The following CTNNA3 variants were observed in gnomAD, a reference collection of about 807,000 sequenced individuals.
The protein encoded by CTNNA3 is catenin alpha-3.
CTNNA3 carries 76 observed loss-of-function variants against 95.7 expected under a neutral mutation model. The ratio of observed to expected loss-of-function variants is 0.79; its 90% confidence interval spans 0.66 to 0.96. The LOEUF (loss-of-function observed/expected upper bound fraction) is 0.96. Ranked by LOEUF, CTNNA3 falls within the 40% of genes least tolerant of loss-of-function variation. The pLI is 0.00. For synonymous variants in CTNNA3, 431 were observed against 374.4 expected (o/e 1.15, Z -1.74); for missense variants, 1,191 against 1,089.8 (o/e 1.09, Z -1.31).
intron 2 of CTNNA3, among the ~76,000 whole-genome samples, chr10:67,621,450 G>A (rs1282316508): frequency 2.8e-4 from 42 of 151,990 alleles, no homozygotes; most frequent in Admixed American, 2.8e-3. Flanking sequence ...GTAGCTCCAT[G>A]AGAAAATGGT....
At chr10:67,565,916 T>C (rs1290076481) in intron 3 of CTNNA3, among the ~76,000 whole-genome samples, 1 of 135,810 alleles carries the variant, frequency 7.4e-6, no homozygotes, top group Admixed American at 7.6e-5. Context: ...TGCAGCACTA[T>C]TTACAATAGC....
At chr10:67,450,228 C>T (rs149787117) in intron 5 of CTNNA3, among the ~76,000 whole-genome samples, 2,647 of 152,096 alleles carry the variant, frequency 0.017, 86 homozygotes, top group African/African-American at 0.058. Context: ...CATTGTGGAA[C>T]GCAGTGTGGC....
In CTNNA3 at chr10:66,199,765, CTATATATATA is replaced by C. The variant is rs59585958; in HGVS notation, c.1884+80695_1884+80704del. 5.1e-3 allele frequency among the ~76,000 whole-genome samples: 157 copies of C among 30,690 alleles called. 3 individuals are homozygous for C. The highest frequency in any genetic ancestry group is 0.016 in the East Asian group (25 of 1,572). The allele number at this position is 30,690 out of a possible 152,430, so 20.1% of individuals were successfully genotyped here. ...TACAGGCGTGTGCCACCACGCCTGGCTATATATATATATATATATATATATATATATATAT... is the reference window on the plus strand; with the variant it reads ...TACAGGCGTGTGCCACCACGCCTGGCTATATATATATATATATATATATAT... On this transcript the variant is annotated intron_variant, in intron 13 of 17. Transcript: ENST00000433211.
At chr10:67,324,903 G>A (rs1021925605) in intron 5 of CTNNA3, among the ~76,000 whole-genome samples, 4 of 151,834 alleles carry the variant, frequency 2.6e-5, no homozygotes, top group East Asian at 1.9e-4. Context: ...TATTTATTAC[G>A]GCTCAATTTC....
intron 6 of CTNNA3, 51 bp from the exon 7 acceptor site, chr10:67,180,571 T>C (rs1312256443): frequency 1.4e-6 from 2 of 1,429,588 alleles, no homozygotes; most frequent in Non-Finnish European, 2.0e-6. Flanking sequence ...ATTTCACTTT[T>C]ATGAAAAACA....
At chr10:67,239,894 A>T (rs549391592) in intron 5 of CTNNA3, among the ~76,000 whole-genome samples, 1 of 152,312 alleles carries the variant, frequency 6.6e-6, no homozygotes, top group Admixed American at 6.5e-5. Flanking sequence ...AAATATAAAA[A>T]TAAGAAGAGA....
At chr10:66,971,793 G>T (rs1849738242) in intron 7 of CTNNA3, among the ~76,000 whole-genome samples, 1 of 151,934 alleles carries the variant, frequency 6.6e-6, no homozygotes, top group African/African-American at 2.4e-5. Flanking sequence ...AATTACAAGA[G>T]ACCCTGTCAT....
intron 13 of CTNNA3, among the ~76,000 whole-genome samples, chr10:66,144,423 T>C (rs1464047918): frequency 1.3e-5 from 2 of 152,166 alleles, no homozygotes; most frequent in African/African-American, 2.4e-5. Context: ...TAATTAATAA[T>C]GTATTTGTAG....
intron 9 of CTNNA3, among the ~76,000 whole-genome samples, chr10:66,752,800 T>A (rs889057222): frequency 2.0e-4 from 31 of 152,018 alleles, no homozygotes; most frequent in African/African-American, 7.5e-4. Context: ...ATAGCTATAT[T>A]CTCAGATGAC....
intron 13 of CTNNA3, among the ~76,000 whole-genome samples, chr10:66,105,647 T>C (rs1342028514): frequency 1.3e-5 from 2 of 152,192 alleles, no homozygotes; most frequent in African/African-American, 2.4e-5. Flanking sequence ...AAGCCTACCA[T>C]TTACACCCAC....
chr10:66,197,409 G>T (rs1316477377), intron 13 of CTNNA3, among the ~76,000 whole-genome samples: 2 of 151,254 alleles, frequency 1.3e-5, no homozygotes, highest in Non-Finnish European at 2.9e-5. Context: ...TGCTCTCCAG[G>T]TTCATACATG....
intron 9 of CTNNA3, among the ~76,000 whole-genome samples, chr10:66,624,819 G>A (rs1049681927): frequency 6.6e-6 from 1 of 152,012 alleles, no homozygotes; most frequent in South Asian, 2.1e-4. Context: ...ATGGCAGGGC[G>A]ACTATTAACT....
chr10:66,028,876 T>C (rs2079397025), intron 15 of CTNNA3, among the ~76,000 whole-genome samples: 1 of 151,868 alleles, frequency 6.6e-6, no homozygotes. Flanking sequence ...AGACAGTGTA[T>C]CCATAATACA....
At chr10:67,243,601 C>T (rs1469531064) in intron 5 of CTNNA3, among the ~76,000 whole-genome samples, 2 of 152,136 alleles carry the variant, frequency 1.3e-5, no homozygotes, top group Non-Finnish European at 2.9e-5. Context: ...GACAAGCATG[C>T]TTCTCTGGCT....
chr10:66,587,883 G>A (rs1843414370), intron 10 of CTNNA3, among the ~76,000 whole-genome samples: 1 of 152,196 alleles, frequency 6.6e-6, no homozygotes, highest in African/African-American at 2.4e-5. Flanking sequence ...AAGCAGGAGT[G>A]CCCAGCTCCT....
intron 16 of CTNNA3, among the ~76,000 whole-genome samples, chr10:65,971,943 T>G (rs2078113133): frequency 6.6e-6 from 1 of 152,112 alleles, no homozygotes; most frequent in Non-Finnish European, 1.5e-5. Flanking sequence ...TAGTGGCACA[T>G]CAAAAAGTTA....
At chr10:67,288,054 T>C (rs1011407650) in intron 5 of CTNNA3, among the ~76,000 whole-genome samples, 84 of 152,210 alleles carry the variant, frequency 5.5e-4, no homozygotes, top group African/African-American at 2.0e-3. Flanking sequence ...CCCATCAATG[T>C]GAAGATCAGA....
chr10:67,489,091 C>T (rs1449927745), intron 5 of CTNNA3, among the ~76,000 whole-genome samples: 1 of 152,076 alleles, frequency 6.6e-6, no homozygotes, highest in African/African-American at 2.4e-5. Flanking sequence ...TGTATCAGTA[C>T]AGCTAGTATC....
intron 7 of CTNNA3, among the ~76,000 whole-genome samples, chr10:66,791,269 T>C (rs534605552): frequency 1.3e-5 from 2 of 152,202 alleles, no homozygotes; most frequent in Non-Finnish European, 2.9e-5. Context: ...AAAGCTCCTG[T>C]ATGATCTGGC....
Sources: gnomAD v4.1 joint callset for allele counts (sites outside exome capture counted in the v4.1 genomes callset) on GRCh38, gnomAD v4.1.1 for gene constraint, MANE v1.5 for transcripts, NCBI Gene and HGNC (gene_info 2026-07-23, HGNC 2026-07-21) for gene names.